LRRC4C: variants seen among roughly 807,000 people sequenced by gnomAD.
The protein encoded by LRRC4C is leucine-rich repeat-containing protein 4C.
Under a neutral mutation model 33.6 loss-of-function variants are expected in LRRC4C, and 5 were observed. The ratio of observed to expected loss-of-function variants is 0.15; its 90% CI spans 0.08 to 0.31. The LOEUF is 0.31. Among genes scored for constraint, LRRC4C ranks in the 10% least tolerant of loss-of-function variants. The probability of loss-of-function intolerance (pLI) is 1.00; values close to 1 mark genes in which losing one functional copy is unlikely to be tolerated. For missense variants in LRRC4C, 560 were observed against 796.7 expected, an observed-to-expected ratio of 0.70 and a Z score of 3.58; for synonymous variants, 329 against 302.0, an observed-to-expected ratio of 1.09 and a Z score of -0.93.
intron 3 of LRRC4C, among the ~76,000 whole-genome samples, chr11:40,542,653 T>C (rs1956769575): frequency 6.6e-6 from 1 of 151,410 alleles, no homozygotes; most frequent in South Asian, 2.1e-4. Flanking sequence ...CTCTCTCTCT[T>C]GCTGGCTCAC....
intron 2 of LRRC4C, among the ~76,000 whole-genome samples, chr11:40,718,841 T>C (rs1057390864): frequency 6.6e-6 from 1 of 152,180 alleles, no homozygotes; most frequent in Admixed American, 6.6e-5. Flanking sequence ...CACTGAGCAG[T>C]CACTGGAGAC....
chr11:40,818,918 T>C (rs1951813939), intron 2 of LRRC4C, among the ~76,000 whole-genome samples: 1 of 152,108 alleles, frequency 6.6e-6, no homozygotes, highest in East Asian at 1.9e-4. Context: ...CCATTTCACT[T>C]TTGTTACAGT....
At chr11:40,376,176 G>C (rs1948652889) in intron 3 of LRRC4C, among the ~76,000 whole-genome samples, 1 of 152,084 alleles carries the variant, frequency 6.6e-6, no homozygotes, top group Non-Finnish European at 1.5e-5. Context: ...TATCTGTAGA[G>C]TCAAAGATTA....
At chr11:40,338,679 A>C (rs1041476998) in intron 3 of LRRC4C, among the ~76,000 whole-genome samples, 5 of 152,060 alleles carry the variant, frequency 3.3e-5, no homozygotes, top group Non-Finnish European at 5.9e-5. Flanking sequence ...TTTTGAAAGT[A>C]TTTTTTTTAA....
chr11:40,678,953 C>CAGA (rs1741250257), intron 2 of LRRC4C, among the ~76,000 whole-genome samples: 1 of 151,944 alleles, frequency 6.6e-6, no homozygotes, highest in Non-Finnish European at 1.5e-5. Flanking sequence ...TTGGAGGGCT[C>CAGA]AGAAGACAGG....
chr11:40,604,683 A>T (rs1381334888), intron 3 of LRRC4C, among the ~76,000 whole-genome samples: 1 of 152,170 alleles, frequency 6.6e-6, no homozygotes, highest in African/African-American at 2.4e-5. Context: ...AACAACACAA[A>T]GGTATTATAT....
At chr11:41,205,167 G>T (rs1197772297) in intron 1 of LRRC4C, among the ~76,000 whole-genome samples, 1 of 152,134 alleles carries the variant, frequency 6.6e-6, no homozygotes, top group Non-Finnish European at 1.5e-5. Flanking sequence ...ATGAACAAAG[G>T]AGTAGGGATT....
At chr11:40,369,521 G>A (rs1435727701) in intron 3 of LRRC4C, among the ~76,000 whole-genome samples, 2 of 152,046 alleles carry the variant, frequency 1.3e-5, no homozygotes, top group African/African-American at 4.8e-5. Context: ...TATTTTTAGT[G>A]GAGATGGGGT....
intron 3 of LRRC4C, among the ~76,000 whole-genome samples, chr11:40,406,924 C>A (rs938127214): frequency 2.6e-5 from 4 of 152,040 alleles, no homozygotes; most frequent in African/African-American, 9.7e-5. Flanking sequence ...ATGAGCTGCT[C>A]CCCCTTCTCC....
chr11:40,942,573 G>A lies in LRRC4C; in HGVS notation c.-495-8850C>T, dbSNP rs183513398. On this transcript the variant is annotated intron_variant, in intron 1 of 6. Coordinates refer to ENST00000528697, the MANE Select transcript of LRRC4C (RefSeq NM_001258419.2). ...AGTGCACTAGAGTTGGAGCATGTAC[G>A]TAAGTGTGTTGGTGTGCAGCACACC... Among the ~76,000 whole-genome samples, 341 of 152,252 alleles carry A rather than the reference G, an allele frequency of 2.2e-3. 2 individuals are homozygous for A. The highest frequency in any genetic ancestry group is 6.2e-3 in the African/African-American group (258 of 41,552).
rs1315907879 is a variant in LRRC4C, at chr11:40,157,213, G to A, written c.-95-16360C>T. ...GGGGTAATTGGCTAGTCACATGTAGGAGAATGAAACTGGATCCTCATCTCT... is the reference window on the plus strand; with the variant it reads ...GGGGTAATTGGCTAGTCACATGTAGAAGAATGAAACTGGATCCTCATCTCT... On this transcript the variant is annotated intron_variant, in intron 5 of 6. Transcript: ENST00000528697. Among the ~76,000 whole-genome samples the A allele has an allele frequency of 6.6e-5, 10 of 152,204 alleles. No individual in the cohort carries two copies. The East Asian group carries it at 1.7e-3, about 26-fold the overall frequency.
chr11:40,867,559 GA>G (rs1751667741), intron 2 of LRRC4C, among the ~76,000 whole-genome samples: 1 of 152,070 alleles, frequency 6.6e-6, no homozygotes. Context: ...CAATTGGGGG[GA>G]AAAAAGAAGC....
intron 1 of LRRC4C, among the ~76,000 whole-genome samples, chr11:41,224,353 A>T (rs1427196382): frequency 6.6e-6 from 1 of 152,178 alleles, no homozygotes; most frequent in Non-Finnish European, 1.5e-5. Flanking sequence ...CACTCATGAA[A>T]GGTGAGAGGT....
chr11:41,334,445 T>C (rs151172463), intron 1 of LRRC4C, among the ~76,000 whole-genome samples: 4 of 152,142 alleles, frequency 2.6e-5, no homozygotes, highest in African/African-American at 7.2e-5. Flanking sequence ...TCCTTTAAAA[T>C]TGATGACTAA....
At chr11:40,902,050 CT>C (rs1956233849) in intron 2 of LRRC4C, among the ~76,000 whole-genome samples, 1 of 146,510 alleles carries the variant, frequency 6.8e-6, no homozygotes, top group Non-Finnish European at 1.5e-5. Context: ...ACACACACCT[CT>C]TTTTGTTGAG....
chr11:40,718,204 T>C (rs991775781), intron 2 of LRRC4C, among the ~76,000 whole-genome samples: 1 of 152,206 alleles, frequency 6.6e-6, no homozygotes, highest in African/African-American at 2.4e-5. Flanking sequence ...AGTGATTTTG[T>C]TCACCAGGGA....
chr11:40,114,351 T>C lies in LRRC4C; in HGVS notation c.*19A>G. 3 of 1,547,882 alleles carry C rather than the reference T, an allele frequency of 1.9e-6. No homozygotes were observed. Among genetic ancestry groups the C allele is most frequent in the Non-Finnish European group, 2.6e-6 (3 of 1,149,338 alleles). On this transcript the variant is annotated 3_prime_UTR_variant, in exon 7 of 7. Coordinates refer to ENST00000528697, the MANE Select transcript of LRRC4C (RefSeq NM_001258419.2). ...GTCTTTTTTTTTGATTGTTTGTTTT[T>C]TGTAACTCTGTAAATGTTTTAGATT...
intron 3 of LRRC4C, among the ~76,000 whole-genome samples, chr11:40,330,103 G>A (rs1946292310): frequency 6.6e-6 from 1 of 152,128 alleles, no homozygotes; most frequent in African/African-American, 2.4e-5. Flanking sequence ...TACCAGTCGG[G>A]TGTTAAATTA....
chr11:41,224,371 A>C (rs569344634), intron 1 of LRRC4C, among the ~76,000 whole-genome samples: 142 of 152,264 alleles, frequency 9.3e-4, no homozygotes, highest in Non-Finnish European at 1.7e-3. Flanking sequence ...GGTAGGCTTC[A>C]CTTCTTGATG....
Sources: allele counts gnomAD v4.1 joint callset (sites outside exome capture counted in the v4.1 genomes callset), GRCh38; gene constraint gnomAD v4.1.1; transcripts MANE v1.5; gene names NCBI Gene and HGNC (gene_info 2026-07-23, HGNC 2026-07-21).